KLF11: variants seen among roughly 807,000 people sequenced by gnomAD.
KLF11 encodes the protein KLF transcription factor 11.
In KLF11, 26 loss-of-function variants were observed where a neutral mutation model predicts 29.9. The observed-to-expected ratio is 0.87, with a 90% CI of 0.64 to 1.21. The LOEUF is 1.21. Among genes scored for constraint, KLF11 ranks in the 50% most tolerant of loss-of-function variants. The pLI, the probability that KLF11 is intolerant of heterozygous loss-of-function variation, is 0.00. For synonymous variants in KLF11, 318 were observed against 257.4 expected (o/e 1.24, Z -2.25); for missense variants, 778 against 665.7 (o/e 1.17, Z -1.86).
intron 2 of KLF11, 128 bp downstream of exon 2, chr2:10,046,547 G>A: frequency 9.5e-7 from 1 of 1,050,958 alleles, no homozygotes; most frequent in East Asian, 2.5e-5. Context: ...TCTCTGTGTG[G>A]GTCTGAAGGA....
Position 10,043,748 on chromosome 2 carries a change from ACG to A in KLF11, c.40_41del (p.Ala14SerfsTer2), listed in dbSNP as rs1558344267. On this transcript the variant is annotated frameshift_variant, in exon 1 of 4. Coordinates refer to ENST00000305883, the MANE Select transcript of KLF11 (RefSeq NM_003597.5). LOFTEE classifies it high-confidence loss of function. ...ACGCCGGACTTCGCAGGCCCAGACG[ACG>A]CGCGCGCAGTGAGTGGTGGGGCTGC... 3.6e-6 allele frequency: 5 copies of A among 1,378,112 alleles called. No individual in the cohort carries two copies. In the African/African-American group the frequency reaches 4.6e-5, roughly 13 times the overall value. 85.4% of individuals were successfully genotyped at this position (1,378,112 alleles called of 1,614,324 possible).
chr2:10,048,626 A>G, intron 3 of KLF11, 31 bp downstream of exon 3: 1 of 1,499,450 alleles, frequency 6.7e-7, no homozygotes, highest in East Asian at 2.3e-5. Flanking sequence ...GGCATTGGGC[A>G]CACCAGACCC....
Position 10,053,828 on chromosome 2 carries a change from G to C in KLF11, c.*1321G>C, listed in dbSNP as rs1211703239. On this transcript the variant is annotated 3_prime_UTR_variant, in exon 4 of 4. Coordinates refer to ENST00000305883, the MANE Select transcript of KLF11 (RefSeq NM_003597.5). ...TGATACTGGTTTTTGTTAAACATTG[G>C]AAGTTCAGGCAATGGAATAAATGTA... 2 of 161,996 alleles carry C rather than the reference G, an allele frequency of 1.2e-5. No individual in the cohort carries two copies. Among genetic ancestry groups the C allele is most frequent in the Non-Finnish European group, 2.7e-5 (2 of 74,546 alleles). 10.0% of individuals were successfully genotyped at this position (161,996 alleles called of 1,614,324 possible).
In KLF11 at chr2:10,048,398, G is replaced by C; in HGVS notation, c.1061G>C (p.Cys354Ser). 6.2e-7 allele frequency: 1 copy of C among 1,613,860 alleles called. No homozygotes were observed. Among genetic ancestry groups the C allele is most frequent in the Non-Finnish European group, 8.5e-7 (1 of 1,179,808 alleles). The change falls in exon 3 of 4, where the codon TGT (cysteine) becomes TCT (serine). Residue 354 changes from cysteine to serine, a missense_variant. By Grantham distance (112) the Cys-to-Ser change is moderately radical. Transcript: ENST00000305883. ...GGAGCCCTCCCTCCGCCTGCCCCCT[G>C]TGCAGCCAATGTCATGGCTGCCGGG... ...PQGALPPPAP[C>S]AANVMAAGNT... is the part of the protein sequence containing the mutation.
intron 1 of KLF11, chr2:10,044,517 A>G (rs1661118540): frequency 1.1e-6 from 1 of 880,086 alleles, no homozygotes; most frequent in South Asian, 5.2e-5. Flanking sequence ...CCTGCGGGAC[A>G]GAGGCCGGGG....
In KLF11 at chr2:10,054,252, A is replaced by C. The variant is rs1293313528; in HGVS notation, c.*1745A>C. 6.6e-6 allele frequency: 1 copy of C among 152,180 alleles called. No homozygotes were observed. Among genetic ancestry groups the C allele is most frequent in the African/African-American group, 2.4e-5 (1 of 41,424 alleles). 9.4% of individuals were successfully genotyped at this position (152,180 alleles called of 1,614,324 possible). On this transcript the variant is annotated 3_prime_UTR_variant, in exon 4 of 4. Coordinates refer to ENST00000305883, the MANE Select transcript of KLF11 (RefSeq NM_003597.5). ...CTCCTGCTCATCAAAATCAGCATAC[A>C]CATTTTTGACTGTACACACTATAAA...
chr2:10,046,481 T>A, intron 2 of KLF11, 62 bp downstream of exon 2: 14 of 1,570,398 alleles, frequency 8.9e-6, no homozygotes, highest in Admixed American at 3.3e-5. Flanking sequence ...GAACTCAGTG[T>A]GTTGAAGAAC....
Position 10,047,828 on chromosome 2 carries a change from C to T in KLF11, c.491C>T (p.Pro164Leu), listed in dbSNP as rs760050772. 1 of 1,613,800 alleles carries T rather than the reference C, an allele frequency of 6.2e-7. No individual in the cohort carries two copies. Among genetic ancestry groups the T allele is most frequent in the Non-Finnish European group, 8.5e-7 (1 of 1,180,002 alleles). ...ERGLLGLEPV[P>L]SSPCRAKGTS... ...GGCTTGCTGGGTTTGGAGCCAGTGC[C>T]CAGCTCTCCCTGCAGGGCCAAGGGG... The change falls in exon 3 of 4, where the codon CCC becomes CTC. Residue 164 changes from proline (P) to leucine (L), a missense_variant. By Grantham distance (98) the Pro-to-Leu change is moderately conservative. Transcript: ENST00000305883.
At chr2:10,045,589 T>A (rs959929982) in intron 1 of KLF11, among the ~76,000 whole-genome samples, 1 of 152,226 alleles carries the variant, frequency 6.6e-6, no homozygotes, top group Non-Finnish European at 1.5e-5. Flanking sequence ...AACAGATGAC[T>A]TCCACTCCCG....
chr2:10,046,884 A>C (rs1661223219), intron 2 of KLF11, among the ~76,000 whole-genome samples: 1 of 152,174 alleles, frequency 6.6e-6, no homozygotes, highest in African/African-American at 2.4e-5. Context: ...CAAAAAAAGA[A>C]ACTTTTCTTT....
At position 10,046,329 on chromosome 2, in the gene KLF11, T is replaced by G. The variant is rs762894139; in HGVS notation, c.222T>G (p.Pro74=). The G allele has an allele frequency of 6.2e-7, 1 of 1,614,202 alleles. No homozygotes were observed. Among genetic ancestry groups the G allele is most frequent in the Admixed American group, 1.7e-5 (1 of 60,020 alleles). The change falls in exon 2 of 4, where the codon CCT becomes CCG. Residue 74 remains proline, a synonymous_variant. Coordinates refer to ENST00000305883, the MANE Select transcript of KLF11 (RefSeq NM_003597.5). ...GDLLRIRPLT[P]VSDSGDVTTT... is the part of the protein sequence containing the mutation. ...TGTTGCGGATAAGACCCCTCACGCC[T>G]GTCTCTGACTCTGGGGATGTCACCA...
In KLF11 at chr2:10,046,332, C is replaced by T. The variant is rs144083374; in HGVS notation, c.225C>T (p.Val75=). 3.0e-4 allele frequency: 483 copies of T among 1,614,210 alleles called. 1 individual carries two copies. The African/African-American group carries it at 5.5e-3, about 18-fold the overall frequency. The change falls in exon 2 of 4, where the codon GTC becomes GTT. Residue 75 remains valine, a synonymous_variant. Coordinates refer to ENST00000305883, the MANE Select transcript of KLF11 (RefSeq NM_003597.5). ...TGCGGATAAGACCCCTCACGCCTGT[C>T]TCTGACTCTGGGGATGTCACCACCA... is the stretch of plus-strand genomic sequence containing the variant. ...DLLRIRPLTP[V]SDSGDVTTTV... is the part of the protein sequence containing the mutation.
chr2:10,045,537 G>A (rs1195761719), intron 1 of KLF11, among the ~76,000 whole-genome samples: 2 of 152,318 alleles, frequency 1.3e-5, no homozygotes, highest in Middle Eastern at 3.4e-3. Context: ...CGGGTTCGCG[G>A]CAGGTTGGCT....
rs765668518 is a variant in KLF11, at chr2:10,043,777, G to A, written c.42+19G>A. On this transcript the variant is annotated intron_variant, in intron 1 of 3. Coordinates refer to ENST00000305883, the MANE Select transcript of KLF11 (RefSeq NM_003597.5). ...GCGCGCAGTGAGTGGTGGGGCTGCCGCGGCGGGACTACTCGTCTGAGCGAG... is the reference window on the plus strand; with the variant it reads ...GCGCGCAGTGAGTGGTGGGGCTGCCACGGCGGGACTACTCGTCTGAGCGAG... 53 of 1,369,338 alleles carry A rather than the reference G, an allele frequency of 3.9e-5. No individual in the cohort carries two copies. In the East Asian group the frequency reaches 1.7e-3, roughly 45 times the overall value. The allele number at this position is 1,369,338 out of a possible 1,614,324, so 84.8% of individuals were successfully genotyped here.
chr2:10,044,457 T>A, intron 1 of KLF11: 1 of 984,904 alleles, frequency 1.0e-6, no homozygotes, highest in South Asian at 4.7e-5. Context: ...GTGTGGTGAG[T>A]CGGCCTCGGC....
intron 3 of KLF11, 28 bp from the exon 4 acceptor site, chr2:10,052,199 C>G (rs760923784): frequency 3.5e-5 from 56 of 1,611,862 alleles, no homozygotes; most frequent in Non-Finnish European, 4.4e-5. Flanking sequence ...TTTCCTTTCT[C>G]TTTAATATGT....
In KLF11 at chr2:10,043,767, T is replaced by C; in HGVS notation, c.42+9T>C. On this transcript the variant is annotated intron_variant, in intron 1 of 3. Coordinates refer to ENST00000305883, the MANE Select transcript of KLF11 (RefSeq NM_003597.5). ...CAGACGACGCGCGCGCAGTGAGTGG[T>C]GGGGCTGCCGCGGCGGGACTACTCG... 7.3e-7 allele frequency: 1 copy of C among 1,366,590 alleles called. No homozygotes were observed. Among genetic ancestry groups the C allele is most frequent in the Non-Finnish European group, 9.6e-7 (1 of 1,042,364 alleles). 84.7% of individuals were successfully genotyped at this position (1,366,590 alleles called of 1,614,324 possible). A position where few individuals can be genotyped will look rare whatever the true frequency, so the allele number is the denominator to read the frequency against.
chr2:10,043,770 G>T lies in KLF11; in HGVS notation c.42+12G>T. On this transcript the variant is annotated intron_variant, in intron 1 of 3. Coordinates refer to ENST00000305883, the MANE Select transcript of KLF11 (RefSeq NM_003597.5). ...ACGACGCGCGCGCAGTGAGTGGTGG[G>T]GCTGCCGCGGCGGGACTACTCGTCT... 7.3e-7 allele frequency: 1 copy of T among 1,373,000 alleles called. No individual in the cohort carries two copies. Among genetic ancestry groups the T allele is most frequent in the Non-Finnish European group, 9.6e-7 (1 of 1,046,220 alleles). 85.1% of individuals were successfully genotyped at this position (1,373,000 alleles called of 1,614,324 possible).
chr2:10,054,798 C>CT lies in KLF11; in HGVS notation c.*2295dup, dbSNP rs1490873655. On this transcript the variant is annotated 3_prime_UTR_variant, in exon 4 of 4. Transcript: ENST00000305883. Reference sequence around the variant, plus strand: ...ATTTAAACGAGCATGTGTAATGTAACTTTTCTCTTTGAATCATATAAAACT... The same window carrying CT: ...ATTTAAACGAGCATGTGTAATGTAACTTTTTCTCTTTGAATCATATAAAACT... The CT allele has an allele frequency of 6.6e-6, 1 of 152,414 alleles. No homozygotes were observed. Among genetic ancestry groups the CT allele is most frequent in the African/African-American group, 2.4e-5 (1 of 41,422 alleles). The allele number at this position is 152,414 out of a possible 1,614,324, so 9.4% of individuals were successfully genotyped here.
Sources: allele counts gnomAD v4.1 joint callset (sites outside exome capture counted in the v4.1 genomes callset), GRCh38; gene constraint gnomAD v4.1.1; transcripts MANE v1.5; gene names NCBI Gene and HGNC (gene_info 2026-07-23, HGNC 2026-07-21).